The following GRHL2 variants were observed in gnomAD, a reference collection of about 807,000 sequenced individuals.
The protein encoded by GRHL2 is grainyhead-like protein 2 homolog.
Under a neutral mutation model 83.8 loss-of-function variants are expected in GRHL2, and 21 were observed. The ratio of observed to expected loss-of-function variants is 0.25; its 90% CI spans 0.18 to 0.36. The LOEUF is 0.36. Ranked by LOEUF, GRHL2 falls within the 10% of genes least tolerant of loss-of-function variation. The pLI is 1.00. For missense variants in GRHL2, 623 were observed against 781.8 expected (o/e 0.80, Z 2.42); for synonymous variants, 280 against 278.9 (o/e 1.00, Z -0.04).
chr8:101,522,485 G>A lies in GRHL2; in HGVS notation c.21-20756G>A, dbSNP rs555644974. Reference sequence around the variant, plus strand: ...GTGGGCCTGGAACCAATCCCCTGTGGATATGTGTCCTCCAGCAATTTGTCC... The same window carrying A: ...GTGGGCCTGGAACCAATCCCCTGTGAATATGTGTCCTCCAGCAATTTGTCC... On this transcript the variant is annotated intron_variant, in intron 1 of 15. Transcript: ENST00000646743. Among the ~76,000 whole-genome samples the A allele has an allele frequency of 1.1e-4, 16 of 152,216 alleles. No homozygotes were observed. In the South Asian group the frequency reaches 3.3e-3, roughly 32 times the overall value.
intron 12 of GRHL2, among the ~76,000 whole-genome samples, chr8:101,643,157 T>C (rs1348619662): frequency 6.6e-6 from 1 of 151,984 alleles, no homozygotes; most frequent in East Asian, 1.9e-4. Context: ...ATCCCTCATG[T>C]CATATTTTTG....
intron 8 of GRHL2, among the ~76,000 whole-genome samples, chr8:101,604,077 C>T (rs1812576749): frequency 6.7e-6 from 1 of 148,280 alleles, no homozygotes. Flanking sequence ...TATGTGTGTG[C>T]ATATGTGTAT....
chr8:101,559,178 G>C (rs1586094192), intron 4 of GRHL2, among the ~76,000 whole-genome samples: 1 of 151,868 alleles, frequency 6.6e-6, no homozygotes, highest in Admixed American at 6.6e-5. Flanking sequence ...CCAAATGGTA[G>C]GTAGCTAAAG....
At position 101,500,708 on chromosome 8, in the gene GRHL2, G is replaced by T. The variant is rs925814746; in HGVS notation, c.20+7919G>T. On this transcript the variant is annotated intron_variant, in intron 1 of 15. Transcript: ENST00000646743. ...GTATTTTTAGTAGAGACGGAGTTTC[G>T]CCATTTTGGCCAGTCTTGTCTCGAA... is the stretch of plus-strand genomic sequence containing the variant. 2.6e-5 allele frequency among the ~76,000 whole-genome samples: 4 copies of T among 152,138 alleles called. No individual in the cohort carries two copies. In the East Asian group the frequency reaches 7.8e-4, roughly 29 times the overall value.
chr8:101,675,167 C>T, the GRHL2 span, among the ~76,000 whole-genome samples: 1 of 152,132 alleles, frequency 6.6e-6, no homozygotes, highest in Admixed American at 6.5e-5. Flanking sequence ...GATGCCCTCT[C>T]TCACCACTCC....
chr8:101,525,033 C>T (rs146312712), intron 1 of GRHL2, among the ~76,000 whole-genome samples: 5,188 of 152,144 alleles, frequency 0.034, 298 homozygotes, highest in African/African-American at 0.12. Context: ...ACCTCCGCCT[C>T]CCAGGTTCAA....
In GRHL2 at chr8:101,630,818, G is replaced by T. The variant is rs1813172047; in HGVS notation, c.1258-819G>T. ...CCACGTTGGAATGTCTATATTTGGG[G>T]GATAAGGAGAAGAAAATGAGTTCTC... On this transcript the variant is annotated intron_variant, in intron 9 of 15. Transcript: ENST00000646743. 2.6e-5 allele frequency among the ~76,000 whole-genome samples: 4 copies of T among 152,090 alleles called. No individual in the cohort carries two copies. In the South Asian group the frequency reaches 6.2e-4, roughly 24 times the overall value.
At chr8:101,675,177 C>T in the GRHL2 span, among the ~76,000 whole-genome samples, 40,095 of 151,816 alleles carry the variant, frequency 0.26, 5,705 homozygotes, top group African/African-American at 0.36. Flanking sequence ...CTCACCACTC[C>T]TATTCAACAT....
chr8:101,608,883 A>G (rs1430351148), intron 8 of GRHL2, among the ~76,000 whole-genome samples: 2 of 150,144 alleles, frequency 1.3e-5, no homozygotes, highest in African/African-American at 5.0e-5. Flanking sequence ...CTTCAGGGTC[A>G]GGTGGACTTA....
intron 7 of GRHL2, among the ~76,000 whole-genome samples, chr8:101,584,743 G>A (rs1182469541): frequency 6.6e-6 from 1 of 152,156 alleles, no homozygotes; most frequent in African/African-American, 2.4e-5. Flanking sequence ...ATTTAAGGTG[G>A]TGTGTAGGAA....
At chr8:101,646,748 G>A (rs991498918) in intron 13 of GRHL2, among the ~76,000 whole-genome samples, 15 of 152,202 alleles carry the variant, frequency 9.9e-5, no homozygotes, top group African/African-American at 1.4e-4. Flanking sequence ...ACCTGCCTTT[G>A]GCTGCACAAT....
intron 14 of GRHL2, among the ~76,000 whole-genome samples, chr8:101,660,096 A>C (rs1813886520): frequency 6.6e-6 from 1 of 152,232 alleles, no homozygotes; most frequent in African/African-American, 2.4e-5. Flanking sequence ...TTTCAAGTGA[A>C]TCTCCCACAA....
chr8:101,612,151 G>A lies in GRHL2; in HGVS notation c.1099-7388G>A, dbSNP rs571420107. On this transcript the variant is annotated intron_variant, in intron 8 of 15. Transcript: ENST00000646743. ...ATTACAGGCATGTACCACCATGCCC[G>A]GCTTATTTTTGTATTTTTAATAGAG... is the stretch of plus-strand genomic sequence containing the variant. Among the ~76,000 whole-genome samples the A allele has an allele frequency of 1.1e-4, 16 of 150,936 alleles. 1 individual carries two copies. Among genetic ancestry groups the A allele is most frequent in the African/African-American group, 3.0e-4 (12 of 40,410 alleles).
downstream of GRHL2, among the ~76,000 whole-genome samples, chr8:101,671,166 G>T (rs996696669): frequency 3.3e-5 from 5 of 152,214 alleles, no homozygotes; most frequent in Non-Finnish European, 7.3e-5. Flanking sequence ...GTGCCAGACA[G>T]TGGGTGCAGG....
At chr8:101,664,400 C>T (rs1813998086) in intron 14 of GRHL2, 54 bp from the exon 15 acceptor site, 1 of 1,338,842 alleles carries the variant, frequency 7.5e-7, no homozygotes, top group Admixed American at 1.7e-5. Context: ...TCCCCCTTGC[C>T]TCCAGTTGGG....
chr8:101,493,960 C>T (rs550080843), intron 1 of GRHL2, among the ~76,000 whole-genome samples: 1 of 152,238 alleles, frequency 6.6e-6, no homozygotes, highest in Non-Finnish European at 1.5e-5. Flanking sequence ...AGGTGGGTCC[C>T]GCGGCCTTTC....
chr8:101,559,770 C>A (rs1811570494), intron 4 of GRHL2, among the ~76,000 whole-genome samples: 2 of 152,022 alleles, frequency 1.3e-5, no homozygotes, highest in South Asian at 4.2e-4. Context: ...ATTGTGAAAC[C>A]AACATCAGAA....
At position 101,573,809 on chromosome 8, in the gene GRHL2, C is replaced by T. The variant is rs746273003; in HGVS notation, c.876C>T (p.Pro292=). ...GAGACAACAAATGCTTCCGACACCCCATCAGCAAAGTCAGGGTAGGGGCCA... is the reference window on the plus strand; with the variant it reads ...GAGACAACAAATGCTTCCGACACCCTATCAGCAAAGTCAGGGTAGGGGCCA... ...ETGDNKCFRH[P]ISKVRSVVMV... Residue 292 remains proline (P), a synonymous_variant, in exon 6 of 16, where the codon CCC becomes CCT. Transcript: ENST00000646743. The T allele has an allele frequency of 5.0e-6, 8 of 1,614,048 alleles. No individual in the cohort carries two copies. The African/African-American group carries it at 9.3e-5, about 19-fold the overall frequency.
rs749096635 is a variant in GRHL2, at chr8:101,570,369, G to A, written c.709G>A (p.Glu237Lys). The A allele has an allele frequency of 5.0e-6, 8 of 1,613,958 alleles. No homozygotes were observed. The highest frequency in any genetic ancestry group is 6.8e-6 in the Non-Finnish European group (8 of 1,179,886). ...TCGGAGTGCTTCAGTTGGGGCTGAG[G>A]AGTACATGTATGATCAGACATCAAG... The part of the protein sequence containing the change: ...KFRSASVGAE[E>K]YMYDQTSSGT... The change falls in exon 5 of 16, where the codon GAG (glutamate) becomes AAG (lysine). Residue 237 changes from glutamate (E) to lysine (K), a missense_variant. By Grantham distance (56) the Glu-to-Lys change is moderately conservative. This residue lies in a region of GRHL2 where 239 missense variants were observed against 240.5 expected (regional missense o/e 0.99). Transcript: ENST00000646743.
Sources: gnomAD v4.1 joint callset for allele counts (sites outside exome capture counted in the v4.1 genomes callset) on GRCh38, gnomAD v4.1.1 for gene constraint, gnomAD v4.1.1 regional missense constraint, MANE v1.5 for transcripts, NCBI Gene and HGNC (gene_info 2026-07-23, HGNC 2026-07-21) for gene names.